CELF2: variants seen among roughly 807,000 people sequenced by gnomAD.
CELF2 encodes CUG triplet repeat RNA-binding protein 2.
CELF2 carries 8 observed loss-of-function variants against 62.6 expected under a neutral mutation model. That is an observed-to-expected ratio of 0.13 (90% CI 0.07 to 0.23). The LOEUF (loss-of-function observed/expected upper bound fraction) is 0.23, where lower values mean the gene tolerates loss of function less well. CELF2 is among the 10% of genes least tolerant of loss of function. The pLI, the probability that CELF2 is intolerant of heterozygous loss-of-function variation, is 1.00. For missense variants in CELF2, 333 were observed against 671.0 expected (o/e 0.50, Z 5.56); for synonymous variants, 258 against 250.0 (o/e 1.03, Z -0.30).
chr10:10,690,341 CAT>C, the CELF2 span, among the ~76,000 whole-genome samples: 27 of 152,322 alleles, frequency 1.8e-4, no homozygotes, highest in East Asian at 5.2e-3. Context: ...GCAAATCAAA[CAT>C]GTTTCCCAGT....
At chr10:11,241,838 G>T (rs1199065446) in intron 3 of CELF2, among the ~76,000 whole-genome samples, 1 of 152,132 alleles carries the variant, frequency 6.6e-6, no homozygotes, top group Admixed American at 6.5e-5. Flanking sequence ...CATTTGAGGG[G>T]ATGATGGGCC....
intron 1 of CELF2, among the ~76,000 whole-genome samples, chr10:10,911,631 C>G (rs1362081099): frequency 1.3e-5 from 2 of 152,236 alleles, no homozygotes; most frequent in East Asian, 3.8e-4. Flanking sequence ...CGCCTCTCCG[C>G]AAGCCTGGGC....
At chr10:10,849,073 T>C (rs1266125747) in intron 1 of CELF2, among the ~76,000 whole-genome samples, 1 of 152,104 alleles carries the variant, frequency 6.6e-6, no homozygotes, top group Non-Finnish European at 1.5e-5. Flanking sequence ...TTATCTTTCA[T>C]TTTTTTAATT....
intron 2 of CELF2, among the ~76,000 whole-genome samples, chr10:10,924,262 A>G (rs1299996340): frequency 3.7e-5 from 5 of 135,916 alleles, no homozygotes; most frequent in East Asian, 4.5e-4. Context: ...AGCCTGGGCA[A>G]CACAGCGAGA....
intron 1 of CELF2, among the ~76,000 whole-genome samples, chr10:11,044,396 CA>C (rs1257205971): frequency 6.6e-6 from 1 of 152,184 alleles, no homozygotes; most frequent in Non-Finnish European, 1.5e-5. Context: ...TCCCTTTTGG[CA>C]TCACTCAGTC....
chr10:10,768,821 A>G, the CELF2 span, among the ~76,000 whole-genome samples: 1 of 151,950 alleles, frequency 6.6e-6, no homozygotes, highest in Non-Finnish European at 1.5e-5. Flanking sequence ...TGATCCACCC[A>G]CCTCGGCCTC....
chr10:11,138,309 TA>T, intron 1 of CELF2, among the ~76,000 whole-genome samples: 1 of 152,230 alleles, frequency 6.6e-6, no homozygotes. Flanking sequence ...TAAATGGAAT[TA>T]TTTTTTATCC....
the CELF2 span, among the ~76,000 whole-genome samples, chr10:10,633,852 A>G: frequency 2.0e-5 from 3 of 152,126 alleles, no homozygotes; most frequent in South Asian, 6.2e-4. Context: ...ATTAATACAT[A>G]TATTTTAATA....
In CELF2 at chr10:11,056,554, G is replaced by A. The variant is rs528125665; in HGVS notation, c.74+38391G>A. 6.6e-5 allele frequency among the ~76,000 whole-genome samples: 10 copies of A among 152,336 alleles called. No individual in the cohort carries two copies. The East Asian group carries it at 1.9e-3, about 29-fold the overall frequency. On this transcript the variant is annotated intron_variant, in intron 1 of 12. Coordinates refer to ENST00000633077, the MANE Select transcript of CELF2 (RefSeq NM_001326342.2). ...GAAAGATGGATGTGGTTGGATCTTA[G>A]AGGAATTCTTGTGCAGAAAGGGAAG...
At chr10:10,668,749 G>C in the CELF2 span, among the ~76,000 whole-genome samples, 1 of 152,152 alleles carries the variant, frequency 6.6e-6, no homozygotes, top group Admixed American at 6.5e-5. Context: ...CTTGAGGTCA[G>C]GAGTTTGAGA....
chr10:10,668,422 G>T, the CELF2 span, among the ~76,000 whole-genome samples: 3 of 152,178 alleles, frequency 2.0e-5, no homozygotes, highest in Non-Finnish European at 4.4e-5. Context: ...GACCCAGTTA[G>T]CTTATTCCTC....
At position 11,249,217 on chromosome 10, in the gene CELF2, C is replaced by T. The variant is rs1429369956; in HGVS notation, c.403+16C>T. 6.2e-7 allele frequency: 1 copy of T among 1,601,196 alleles called. No individual in the cohort carries two copies. Among genetic ancestry groups the T allele is most frequent in the Admixed American group, 1.7e-5 (1 of 59,988 alleles). ...AAGTCCAACGGTAGGTGGTAACCAA[C>T]TGTCTTGCTTAATAATAATATCTGC... On this transcript the variant is annotated intron_variant, in intron 4 of 12. Transcript: ENST00000633077.
chr10:10,812,811 G>A (rs1590684837), intron 1 of CELF2, among the ~76,000 whole-genome samples: 1 of 152,158 alleles, frequency 6.6e-6, no homozygotes, highest in Non-Finnish European at 1.5e-5. Context: ...GGGTGTCAAT[G>A]TCTGGAAGAT....
At chr10:11,025,591 C>G (rs117527967) in intron 1 of CELF2, among the ~76,000 whole-genome samples, 1 of 152,162 alleles carries the variant, frequency 6.6e-6, no homozygotes, top group South Asian at 2.1e-4. Flanking sequence ...GAGTAAAACT[C>G]TCTTCTTTAT....
the CELF2 span, among the ~76,000 whole-genome samples, chr10:10,487,323 T>C: frequency 6.6e-6 from 1 of 152,222 alleles, no homozygotes; most frequent in Non-Finnish European, 1.5e-5. Context: ...GCATGAAGGC[T>C]GGGAGGTTAT....
At chr10:10,781,394 A>C in the CELF2 span, among the ~76,000 whole-genome samples, 1 of 152,336 alleles carries the variant, frequency 6.6e-6, no homozygotes, top group South Asian at 2.1e-4. Flanking sequence ...TAATTTATAA[A>C]GGAAAGGAGG....
intron 2 of CELF2, among the ~76,000 whole-genome samples, chr10:11,210,825 A>G (rs2061608552): frequency 6.6e-6 from 1 of 152,142 alleles, no homozygotes; most frequent in Non-Finnish European, 1.5e-5. Context: ...ATTAAAAACA[A>G]CTCAACTCAC....
At chr10:10,985,247 A>T (rs1363537865) in intron 2 of CELF2, among the ~76,000 whole-genome samples, 3 of 152,148 alleles carry the variant, frequency 2.0e-5, no homozygotes, top group African/African-American at 7.2e-5. Context: ...TATCATTTTG[A>T]AAACTTATTC....
intron 5 of CELF2, among the ~76,000 whole-genome samples, chr10:11,263,355 A>G (rs2081272931): frequency 6.6e-6 from 1 of 152,144 alleles, no homozygotes; most frequent in South Asian, 2.1e-4. Context: ...GGAGGTTTTC[A>G]GAGAGTAATA....
Sources: allele counts gnomAD v4.1 joint callset (sites outside exome capture counted in the v4.1 genomes callset), GRCh38; gene constraint gnomAD v4.1.1; transcripts MANE v1.5; gene names NCBI Gene and HGNC (gene_info 2026-07-23, HGNC 2026-07-21).